SULT2B1: variants seen among roughly 807,000 people sequenced by gnomAD.
SULT2B1 encodes the protein sulfotransferase family 2B member 1.
SULT2B1 carries 16 observed loss-of-function variants against 33.2 expected under a neutral mutation model. That is an observed-to-expected ratio of 0.48 (90% CI 0.33 to 0.73). SULT2B1 has a LOEUF of 0.73. Ranked by LOEUF, SULT2B1 falls within the 30% of genes least tolerant of loss-of-function variation. SULT2B1 has a pLI of 0.02. For synonymous variants in SULT2B1, 186 were observed against 200.5 expected, an observed-to-expected ratio of 0.93 and a Z score of 0.61; for missense variants, 500 against 506.0, an observed-to-expected ratio of 0.99 and a Z score of 0.11.
intron 1 of SULT2B1, among the ~76,000 whole-genome samples, chr19:48,573,385 G>A (rs1042737323): frequency 1.3e-5 from 2 of 152,006 alleles, no homozygotes; most frequent in East Asian, 1.9e-4. Flanking sequence ...TGTTTTGTGG[G>A]AACAAACAGG....
At chr19:48,594,036 A>G (rs2147628394) in intron 5 of SULT2B1, among the ~76,000 whole-genome samples, 1 of 152,018 alleles carries the variant, frequency 6.6e-6, no homozygotes, top group Non-Finnish European at 1.5e-5. Context: ...AGGTAGGCAG[A>G]TCACCTGAGC....
intron 1 of SULT2B1, among the ~76,000 whole-genome samples, chr19:48,569,361 A>AAAAAATATAT (rs1568405757): frequency 4.0e-4 from 4 of 9,966 alleles, no homozygotes; most frequent in Admixed American, 1.9e-3. Context: ...AAAAAAAAAA[A>AAAAAATATAT]ACATATATAT....
intron 2 of SULT2B1, among the ~76,000 whole-genome samples, chr19:48,581,029 CTTTTTTTTTTTT>C (rs57093444): frequency 3.1e-5 from 2 of 65,072 alleles, no homozygotes; most frequent in African/African-American, 6.4e-5. Context: ...ATATATATTC[CTTTTTTTTTTTT>C]TTTTTTTTTT....
At chr19:48,561,690 G>A (rs755029162) in intron 1 of SULT2B1, among the ~76,000 whole-genome samples, 1 of 152,130 alleles carries the variant, frequency 6.6e-6, no homozygotes, top group Non-Finnish European at 1.5e-5. Flanking sequence ...GGACTCGGAT[G>A]GGCAGGGCCT....
At position 48,585,422 on chromosome 19, in the gene SULT2B1, C is replaced by A. The variant is rs145550056; in HGVS notation, c.215-1807C>A. Reference sequence around the variant, plus strand: ...GTGGCTTACTCCTGTAATCCCAGCACTTTGGGAGGCTGAGGCAGGTGGATC... The same window carrying A: ...GTGGCTTACTCCTGTAATCCCAGCAATTTGGGAGGCTGAGGCAGGTGGATC... On this transcript the variant is annotated intron_variant, in intron 2 of 6. Transcript: ENST00000201586. Among the ~76,000 whole-genome samples, 551 of 151,864 alleles carry A rather than the reference C, an allele frequency of 3.6e-3. 1 individual carries two copies. Among genetic ancestry groups the A allele is most frequent in the Non-Finnish European group, 6.1e-3 (415 of 67,916 alleles).
rs772731769 is a variant in SULT2B1, at chr19:48,592,732, C to T, written c.561C>T (p.Gly187=). ...RDFLKGEVQF[G]SWFDHIKGWL... ...TCCCTCTGCCCACAGTGCAGTTTGG[C>T]TCCTGGTTCGACCACATTAAGGGCT... is the stretch of plus-strand genomic sequence containing the variant. Residue 187 remains glycine (G), a synonymous_variant, in exon 5 of 7, where the codon GGC becomes GGT. Coordinates refer to ENST00000201586, the MANE Select transcript of SULT2B1 (RefSeq NM_177973.2). 1.9e-6 allele frequency: 3 copies of T among 1,595,894 alleles called. No homozygotes were observed. The South Asian group carries it at 3.4e-5, about 18-fold the overall frequency.
chr19:48,561,598 A>G (rs12611119), intron 1 of SULT2B1, among the ~76,000 whole-genome samples: 40,838 of 151,894 alleles, frequency 0.27, 6,601 homozygotes, highest in East Asian at 0.46. Context: ...GTGCGGTTCC[A>G]CGGTGTAGTG....
In SULT2B1 at chr19:48,596,782, G is replaced by C; in HGVS notation, c.689G>C (p.Arg230Pro). 6.2e-7 allele frequency: 1 copy of C among 1,608,750 alleles called. No individual in the cohort carries two copies. The highest frequency in any genetic ancestry group is 8.5e-7 in the Non-Finnish European group (1 of 1,179,904). The stretch of plus-strand genomic sequence containing the variant: ...GAGCGCATCTGTGGGTTCCTGGGCC[G>C]TCCGCTGGGCAAGGAGGCACTGGGC... ...SVERICGFLGRPLGKEALGSV... is the reference protein window; with the variant it reads ...SVERICGFLGPPLGKEALGSV... Residue 230 changes from arginine to proline, a missense_variant, in exon 6 of 7, where the codon CGT (arginine) becomes CCT (proline). Coordinates refer to ENST00000201586, the MANE Select transcript of SULT2B1 (RefSeq NM_177973.2).
intron 6 of SULT2B1, 21 bp downstream of exon 6, chr19:48,596,940 A>G (rs1451447089): frequency 6.4e-7 from 1 of 1,557,076 alleles, no homozygotes. Flanking sequence ...TCTGGGGTTC[A>G]GAGCCCACTA....
At chr19:48,562,280 C>T (rs566123498) in intron 1 of SULT2B1, among the ~76,000 whole-genome samples, 3 of 151,904 alleles carry the variant, frequency 2.0e-5, no homozygotes, top group Admixed American at 6.6e-5. Context: ...CCCAGCTACT[C>T]GGGTGGCTGA....
intron 1 of SULT2B1, among the ~76,000 whole-genome samples, chr19:48,570,793 C>T (rs189314335): frequency 8.4e-3 from 1,271 of 151,432 alleles, no homozygotes; most frequent in African/African-American, 0.028. Flanking sequence ...GGCGCGATCT[C>T]GGCTCACTGC....
In SULT2B1 at chr19:48,571,699, G is replaced by T. The variant is rs370504234; in HGVS notation, c.72-4242G>T. ...CTCATGGAGCTTACATGCAAGCGGA[G>T]AAGATGGTCAATAAACCATCAATGT... On this transcript the variant is annotated intron_variant, in intron 1 of 6. Coordinates refer to ENST00000201586, the MANE Select transcript of SULT2B1 (RefSeq NM_177973.2). Among the ~76,000 whole-genome samples the T allele has an allele frequency of 9.6e-3, 201 of 20,908 alleles. 1 individual carries two copies. Among genetic ancestry groups the T allele is most frequent in the African/African-American group, 0.063 (193 of 3,052 alleles). The allele number at this position is 20,908 out of a possible 152,430, so 13.7% of individuals were successfully genotyped here. A position where few individuals can be genotyped will look rare whatever the true frequency, so the allele number is the denominator to read the frequency against.
At chr19:48,577,093 G>A (rs1250767441) in intron 2 of SULT2B1, among the ~76,000 whole-genome samples, 8 of 138,342 alleles carry the variant, frequency 5.8e-5, no homozygotes, top group Non-Finnish European at 1.1e-4. Context: ...GAGTATAGTG[G>A]CATGATCTCA....
At chr19:48,556,893 T>C (rs373558946) in intron 1 of SULT2B1, among the ~76,000 whole-genome samples, 4 of 151,678 alleles carry the variant, frequency 2.6e-5, no homozygotes, top group African/African-American at 4.8e-5. Context: ...GAAGTTGCAG[T>C]GACCTGAGAT....
intron 1 of SULT2B1, among the ~76,000 whole-genome samples, chr19:48,563,142 C>T (rs997880627): frequency 6.6e-6 from 1 of 152,058 alleles, no homozygotes; most frequent in African/African-American, 2.4e-5. Flanking sequence ...TTTGAACTCC[C>T]GGGCTCAAGC....
chr19:48,582,248 G>C (rs1973501957), intron 2 of SULT2B1, among the ~76,000 whole-genome samples: 1 of 152,028 alleles, frequency 6.6e-6, no homozygotes, highest in Non-Finnish European at 1.5e-5. Context: ...CCTTGACATT[G>C]TCCCATCTTG....
At chr19:48,587,886 G>C (rs1973587666) in intron 3 of SULT2B1, among the ~76,000 whole-genome samples, 2 of 73,436 alleles carry the variant, frequency 2.7e-5, no homozygotes, top group Non-Finnish European at 4.6e-5. Context: ...GGGCAAGACT[G>C]TCTCAAAAAA....
chr19:48,568,205 G>A (rs918786434), intron 1 of SULT2B1, among the ~76,000 whole-genome samples: 10 of 151,662 alleles, frequency 6.6e-5, no homozygotes, highest in African/African-American at 1.5e-4. Context: ...CCCAGGAGCC[G>A]GAGGGTGGAG....
At chr19:48,595,429 G>A (rs1973697146) in intron 5 of SULT2B1, among the ~76,000 whole-genome samples, 1 of 152,168 alleles carries the variant, frequency 6.6e-6, no homozygotes, top group South Asian at 2.1e-4. Flanking sequence ...TTGCAAAGCT[G>A]ATGGTGGGAT....
Sources: allele counts gnomAD v4.1 joint callset (sites outside exome capture counted in the v4.1 genomes callset), GRCh38; gene constraint gnomAD v4.1.1; transcripts MANE v1.5; gene names NCBI Gene and HGNC (gene_info 2026-07-23, HGNC 2026-07-21).